RGS6: variants seen among roughly 807,000 people sequenced by gnomAD.
The protein encoded by RGS6 is regulator of G-protein signaling 6.
RGS6 carries 30 observed loss-of-function variants against 78.5 expected under a neutral mutation model. The ratio of observed to expected loss-of-function variants is 0.38; its 90% CI spans 0.29 to 0.52. The LOEUF is 0.52. Among genes scored for constraint, RGS6 ranks in the 20% least tolerant of loss-of-function variants. The pLI is 0.85. For missense variants in RGS6, 495 were observed against 609.7 expected (o/e 0.81, Z 1.98); for synonymous variants, 206 against 206.0 (o/e 1.00, Z 0.00).
intron 3 of RGS6, among the ~76,000 whole-genome samples, chr14:72,416,692 A>G (rs2153083452): frequency 6.6e-6 from 1 of 152,316 alleles, no homozygotes; most frequent in East Asian, 1.9e-4. Flanking sequence ...ATTGCAAACA[A>G]GGAAATGATC....
At position 72,177,926 on chromosome 14, in the gene RGS6, T is replaced by C. The variant is rs550806103; in HGVS notation, c.85-174169T>C. ...TAGGCTTTTCCTTGTTCAACCAGTC[T>C]AGCCATGTGCCATTGGTCCTTCAAG... On this transcript the variant is annotated intron_variant, in intron 2 of 17. Coordinates refer to ENST00000553525, the MANE Select transcript of RGS6 (RefSeq NM_001204424.2). Among the ~76,000 whole-genome samples the C allele has an allele frequency of 2.6e-5, 4 of 152,350 alleles. No homozygotes were observed. In the South Asian group the frequency reaches 8.3e-4, roughly 32 times the overall value.
Position 72,075,617 on chromosome 14 carries a change from T to C in RGS6, c.84+110742T>C, listed in dbSNP as rs75394718. Among the ~76,000 whole-genome samples the C allele has an allele frequency of 6.4e-3, 978 of 152,298 alleles. 14 individuals are homozygous for C. The highest frequency in any genetic ancestry group is 0.023 in the African/African-American group (949 of 41,564). The stretch of plus-strand genomic sequence containing the variant: ...GAAAATGACCTGTGATGCCACCACC[T>C]AGAAGTAATCACTCTTGTTAACATC... On this transcript the variant is annotated intron_variant, in intron 2 of 17. Coordinates refer to ENST00000553525, the MANE Select transcript of RGS6 (RefSeq NM_001204424.2).
chr14:71,982,164 C>T (rs1460964183), intron 2 of RGS6, among the ~76,000 whole-genome samples: 1 of 152,138 alleles, frequency 6.6e-6, no homozygotes, highest in Non-Finnish European at 1.5e-5. Flanking sequence ...GTGCGTGCAC[C>T]CACTGACCTG....
At chr14:72,055,064 A>G (rs1596727507) in intron 2 of RGS6, among the ~76,000 whole-genome samples, 1 of 152,154 alleles carries the variant, frequency 6.6e-6, no homozygotes, top group African/African-American at 2.4e-5. Flanking sequence ...CTGTTTTTGT[A>G]TCTATGAGCA....
intron 2 of RGS6, among the ~76,000 whole-genome samples, chr14:72,237,233 T>C (rs1248858267): frequency 6.6e-6 from 1 of 152,216 alleles, no homozygotes; most frequent in African/African-American, 2.4e-5. Flanking sequence ...ATGCCACAAT[T>C]TTTAAATCTA....
At chr14:72,084,488 G>A (rs1159897234) in intron 2 of RGS6, among the ~76,000 whole-genome samples, 1 of 152,160 alleles carries the variant, frequency 6.6e-6, no homozygotes, top group African/African-American at 2.4e-5. Flanking sequence ...AAAAGTTGTT[G>A]GACTGTTTTC....
Position 72,300,223 on chromosome 14 carries a change from G to T in RGS6, c.85-51872G>T, listed in dbSNP as rs749645614. Among the ~76,000 whole-genome samples the T allele has an allele frequency of 1.2e-4, 18 of 151,094 alleles. 1 individual carries two copies. The highest frequency in any genetic ancestry group is 2.0e-4 in the Admixed American group (3 of 15,156). ...ATACTATTGATTGCTTAGAAGAACT[G>T]CTTTAACATAGATTTCCAAACTCTA... On this transcript the variant is annotated intron_variant, in intron 2 of 17. Transcript: ENST00000553525.
At chr14:72,276,303 G>A (rs916439903) in intron 2 of RGS6, among the ~76,000 whole-genome samples, 1 of 152,198 alleles carries the variant, frequency 6.6e-6, no homozygotes, top group African/African-American at 2.4e-5. Context: ...TCTACAGCAT[G>A]TATTCTCAAT....
At chr14:72,143,139 G>A (rs1288829349) in intron 2 of RGS6, among the ~76,000 whole-genome samples, 4 of 152,074 alleles carry the variant, frequency 2.6e-5, no homozygotes, top group South Asian at 2.1e-4. Flanking sequence ...AGGCTGATGC[G>A]GGTGGATCAC....
chr14:71,927,273 T>C, the RGS6 span, among the ~76,000 whole-genome samples: 6 of 152,258 alleles, frequency 3.9e-5, no homozygotes, highest in Non-Finnish European at 7.3e-5. Flanking sequence ...GCATGGGACT[T>C]TGTAAATATG....
chr14:71,886,555 C>T, the RGS6 span, among the ~76,000 whole-genome samples: 17 of 152,304 alleles, frequency 1.1e-4, no homozygotes, highest in African/African-American at 4.1e-4. Flanking sequence ...AAGTTAGGCA[C>T]TGAGGTTAAG....
chr14:72,494,504 T>C (rs2096618334), intron 12 of RGS6, among the ~76,000 whole-genome samples: 1 of 152,176 alleles, frequency 6.6e-6, no homozygotes, highest in Non-Finnish European at 1.5e-5. Flanking sequence ...TTTTGCTTTT[T>C]TAGTATATAT....
At chr14:71,923,928 C>T in the RGS6 span, among the ~76,000 whole-genome samples, 1 of 152,160 alleles carries the variant, frequency 6.6e-6, no homozygotes, top group African/African-American at 2.4e-5. Flanking sequence ...TGCAGGAAAC[C>T]TTCGTGATCT....
chr14:72,587,630 G>A, the RGS6 span, among the ~76,000 whole-genome samples: 1 of 152,094 alleles, frequency 6.6e-6, no homozygotes, highest in Non-Finnish European at 1.5e-5. Flanking sequence ...GGGGTAGTAG[G>A]AGTCAGATGT....
the RGS6 span, among the ~76,000 whole-genome samples, chr14:71,891,220 T>C: frequency 0.3 from 46,115 of 152,122 alleles, 10,107 homozygotes; most frequent in African/African-American, 0.62. Context: ...AGCATTGATA[T>C]AACACAATTA....
chr14:71,914,629 C>T, the RGS6 span, among the ~76,000 whole-genome samples: 2 of 151,922 alleles, frequency 1.3e-5, no homozygotes, highest in African/African-American at 4.8e-5. Flanking sequence ...AGAATCAGGC[C>T]CCTTTTATTT....
At chr14:71,867,648 T>C in the RGS6 span, among the ~76,000 whole-genome samples, 4 of 152,276 alleles carry the variant, frequency 2.6e-5, no homozygotes, top group African/African-American at 7.2e-5. Flanking sequence ...CAACTGCTGG[T>C]TGGGGCTAGA....
At chr14:72,499,255 T>C (rs1480692337) in intron 13 of RGS6, among the ~76,000 whole-genome samples, 1 of 152,224 alleles carries the variant, frequency 6.6e-6, no homozygotes, top group Non-Finnish European at 1.5e-5. Flanking sequence ...AAGATGTTTT[T>C]TCTCTGTGTG....
chr14:71,990,451 T>C (rs2094906251), intron 2 of RGS6: 3 of 368,590 alleles, frequency 8.1e-6, no homozygotes, highest in Non-Finnish European at 1.6e-5. Context: ...CCAAGGTTTG[T>C]GTCCTTTGGG....
Sources: gnomAD v4.1 joint callset for allele counts (sites outside exome capture counted in the v4.1 genomes callset) on GRCh38, gnomAD v4.1.1 for gene constraint, MANE v1.5 for transcripts, NCBI Gene and HGNC (gene_info 2026-07-23, HGNC 2026-07-21) for gene names.